The following RNGTT variants were observed in gnomAD, a reference collection of about 807,000 sequenced individuals.
RNGTT encodes the protein mRNA-capping enzyme.
In RNGTT, 33 loss-of-function variants were observed where a neutral mutation model predicts 79.3. The observed-to-expected ratio is 0.42, with a 90% CI of 0.32 to 0.56. The LOEUF is 0.56. Among genes scored for constraint, RNGTT ranks in the 20% least tolerant of loss-of-function variants. The pLI is 0.17. For synonymous variants in RNGTT, 222 were observed against 235.9 expected, an observed-to-expected ratio of 0.94 and a Z score of 0.54; for missense variants, 497 against 739.1, an observed-to-expected ratio of 0.67 and a Z score of 3.80.
chr6:88,624,442 T>C (rs938806850), intron 14 of RNGTT, among the ~76,000 whole-genome samples: 57 of 152,032 alleles, frequency 3.7e-4, no homozygotes, highest in Middle Eastern at 3.4e-3. Flanking sequence ...ATAAGGTCAA[T>C]TGATATTTGA....
chr6:88,728,914 G>C (rs146368169), intron 13 of RNGTT, among the ~76,000 whole-genome samples: 1 of 152,310 alleles, frequency 6.6e-6, no homozygotes, highest in Non-Finnish European at 1.5e-5. Context: ...CCCTCCGCAC[G>C]TTAAACAAAA....
rs185628076 is a variant in RNGTT, at chr6:88,715,055, T to A, written c.1440-36636A>T. 1.9e-3 allele frequency among the ~76,000 whole-genome samples: 294 copies of A among 152,240 alleles called. 4 individuals carry two copies. Among genetic ancestry groups the A allele is most frequent in the African/African-American group, 6.9e-3 (288 of 41,536 alleles). On this transcript the variant is annotated intron_variant, in intron 13 of 15. Coordinates refer to ENST00000369485, the MANE Select transcript of RNGTT (RefSeq NM_003800.5). Reference sequence around the variant, plus strand: ...TGTTTGCAGATGACATGACTGTATATCTAGAAAACCCCATTGTCTCAGCCC... The same window carrying A: ...TGTTTGCAGATGACATGACTGTATAACTAGAAAACCCCATTGTCTCAGCCC...
intron 8 of RNGTT, among the ~76,000 whole-genome samples, chr6:88,864,619 T>C (rs1782112607): frequency 6.6e-6 from 1 of 152,106 alleles, no homozygotes; most frequent in Non-Finnish European, 1.5e-5. Flanking sequence ...CTAAGACAGT[T>C]TTAAGAATTA....
intron 12 of RNGTT, among the ~76,000 whole-genome samples, chr6:88,785,626 C>A (rs1779204874): frequency 6.6e-6 from 1 of 152,038 alleles, no homozygotes; most frequent in Non-Finnish European, 1.5e-5. Context: ...TGCCAGAAAA[C>A]AGAGCCCTTC....
chr6:88,859,721 T>C (rs1355134195), intron 8 of RNGTT, among the ~76,000 whole-genome samples: 3 of 151,902 alleles, frequency 2.0e-5, no homozygotes, highest in Non-Finnish European at 4.4e-5. Flanking sequence ...GTGCAGAGAG[T>C]GACAAAAGAA....
At chr6:88,636,748 C>G (rs1773114474) in intron 14 of RNGTT, among the ~76,000 whole-genome samples, 1 of 151,256 alleles carries the variant, frequency 6.6e-6, no homozygotes, top group Non-Finnish European at 1.5e-5. Flanking sequence ...AACCCCAAAT[C>G]TCACCTCCAA....
At chr6:88,746,345 C>T (rs1777657320) in intron 13 of RNGTT, among the ~76,000 whole-genome samples, 1 of 152,150 alleles carries the variant, frequency 6.6e-6, no homozygotes, top group Non-Finnish European at 1.5e-5. Flanking sequence ...CAAGGGGAGG[C>T]CAGGTCCCCT....
intron 12 of RNGTT, among the ~76,000 whole-genome samples, chr6:88,782,371 CA>C (rs1779092764): frequency 6.6e-6 from 1 of 151,832 alleles, no homozygotes; most frequent in Non-Finnish European, 1.5e-5. Context: ...AATGGAAAGA[CA>C]AAAAGGTGCA....
intron 14 of RNGTT, among the ~76,000 whole-genome samples, chr6:88,655,531 C>T (rs1324229764): frequency 2.0e-5 from 3 of 152,054 alleles, no homozygotes; most frequent in East Asian, 3.9e-4. Context: ...ACTAATGGCA[C>T]CCAGTTACTC....
chr6:88,668,255 G>T (rs935224200), intron 14 of RNGTT, among the ~76,000 whole-genome samples: 2 of 152,086 alleles, frequency 1.3e-5, no homozygotes, highest in African/African-American at 4.8e-5. Context: ...AGGAATTCCG[G>T]CCTGGATCCA....
chr6:88,809,006 T>C (rs2127869323), intron 11 of RNGTT, among the ~76,000 whole-genome samples: 1 of 151,926 alleles, frequency 6.6e-6, no homozygotes, highest in South Asian at 2.1e-4. Flanking sequence ...CAGCCCACTT[T>C]GTACATAAAG....
At chr6:88,699,030 T>A (rs1775855875) in intron 13 of RNGTT, among the ~76,000 whole-genome samples, 1 of 152,196 alleles carries the variant, frequency 6.6e-6, no homozygotes, top group Non-Finnish European at 1.5e-5. Flanking sequence ...TCTTTATAAG[T>A]GACTTAAAGT....
intron 10 of RNGTT, among the ~76,000 whole-genome samples, chr6:88,846,562 T>C (rs1432101837): frequency 6.6e-6 from 1 of 152,028 alleles, no homozygotes; most frequent in East Asian, 1.9e-4. Flanking sequence ...AGCGTAGCCA[T>C]CATGGCAAAA....
chr6:88,728,202 G>A lies in RNGTT; in HGVS notation c.1439+41572C>T, dbSNP rs192664815. Among the ~76,000 whole-genome samples, 608 of 152,270 alleles carry A rather than the reference G, an allele frequency of 4.0e-3. 3 individuals carry two copies. Among genetic ancestry groups the A allele is most frequent in the Admixed American group, 5.9e-3 (90 of 15,302 alleles). On this transcript the variant is annotated intron_variant, in intron 13 of 15. Coordinates refer to ENST00000369485, the MANE Select transcript of RNGTT (RefSeq NM_003800.5). ...TCCTCACTCTATTGCTGACCATCTA[G>A]TTATTAACATAACCAAGTCAATTTT...
chr6:88,821,211 T>C (rs1201306529), intron 11 of RNGTT, among the ~76,000 whole-genome samples: 1 of 152,102 alleles, frequency 6.6e-6, no homozygotes, highest in Admixed American at 6.5e-5. Context: ...AATAGTCTTT[T>C]CAACAAGTGG....
rs781155071 is a variant in RNGTT at position 88,890,550 on chromosome 6, T to A, written c.841A>T (p.Ile281Phe). ...AQPVSMDKQN[I>F]KLLDLKPYKV... ...TATGGCTTCAGGTCTAAAAGTTTAA[T>A]ATTTTGCTTGTCCATGGAAACAGGC... Residue 281 changes from isoleucine (I) to phenylalanine (F), a missense_variant, in exon 8 of 16, where the codon ATT becomes TTT. Physicochemically the swap from Ile to Phe is conservative, Grantham distance 21 (BLOSUM62 0). Transcript: ENST00000369485. 19 of 1,613,782 alleles carry A rather than the reference T, an allele frequency of 1.2e-5. No individual in the cohort carries two copies. The highest frequency in any genetic ancestry group is 1.6e-5 in the Non-Finnish European group (19 of 1,179,868).
chr6:88,900,235 T>A (rs1238268052), intron 6 of RNGTT, among the ~76,000 whole-genome samples: 2 of 152,164 alleles, frequency 1.3e-5, no homozygotes, highest in African/African-American at 4.8e-5. Flanking sequence ...TACTTTTTAT[T>A]TGACTTTTTA....
chr6:88,738,855 C>T (rs1777371768), intron 13 of RNGTT, among the ~76,000 whole-genome samples: 1 of 151,734 alleles, frequency 6.6e-6, no homozygotes, highest in African/African-American at 2.4e-5. Context: ...CACACACACA[C>T]ACACACACAC....
chr6:88,759,066 C>T (rs1426681543), intron 13 of RNGTT, among the ~76,000 whole-genome samples: 2 of 152,182 alleles, frequency 1.3e-5, no homozygotes, highest in Non-Finnish European at 2.9e-5. Flanking sequence ...AGAACATTTA[C>T]CAATCAGCAT....
Sources: gnomAD v4.1 joint callset for allele counts (sites outside exome capture counted in the v4.1 genomes callset) on GRCh38, gnomAD v4.1.1 for gene constraint, MANE v1.5 for transcripts, NCBI Gene and HGNC (gene_info 2026-07-23, HGNC 2026-07-21) for gene names.